SLC41A3: variants seen among roughly 807,000 people sequenced by gnomAD.
The protein encoded by SLC41A3 is solute carrier family 41 member 3, also known as SLC41A1-like 2.
SLC41A3 carries 44 observed loss-of-function variants against 45.4 expected under a neutral mutation model. The observed-to-expected ratio is 0.97, with a 90% CI of 0.76 to 1.25. The LOEUF is 1.25. SLC41A3 is among the 50% of genes most tolerant of loss of function. The pLI is 0.00. For synonymous variants in SLC41A3, 256 were observed against 252.4 expected, an observed-to-expected ratio of 1.01 and a Z score of -0.13; for missense variants, 550 against 600.6, an observed-to-expected ratio of 0.92 and a Z score of 0.88.
At chr3:126,077,807 C>G (rs1040707855) in intron 1 of SLC41A3, among the ~76,000 whole-genome samples, 3 of 152,186 alleles carry the variant, frequency 2.0e-5, no homozygotes, top group African/African-American at 7.2e-5. Flanking sequence ...TTGCCTCCTC[C>G]GTGCTTCCTT....
At chr3:126,070,137 G>A (rs1384017341) in intron 1 of SLC41A3, 3 of 152,166 alleles carry the variant, frequency 2.0e-5, no homozygotes, top group African/African-American at 7.2e-5. Context: ...TAAACTCCGA[G>A]AGAGCACACC....
intron 2 of SLC41A3, among the ~76,000 whole-genome samples, chr3:126,064,216 G>A (rs181480044): frequency 2.6e-4 from 40 of 152,172 alleles, no homozygotes; most frequent in Non-Finnish European, 4.4e-4. Flanking sequence ...TGAGCGGCGC[G>A]TTCCCCTCCT....
At chr3:126,075,600 T>G (rs1210211715) in intron 1 of SLC41A3, among the ~76,000 whole-genome samples, 1 of 152,148 alleles carries the variant, frequency 6.6e-6, no homozygotes, top group Non-Finnish European at 1.5e-5. Flanking sequence ...TTTCAAAACT[T>G]ATTGTAAAAC....
In SLC41A3 at chr3:126,019,223, A is replaced by C. The variant is rs180702583; in HGVS notation, c.746-2348T>G. ...GTCTCTCTTCCTCTTTTTTAAAGCC[A>C]CCAGTCCCACTCCCATGGTAACTCA... On this transcript the variant is annotated intron_variant, in intron 6 of 10. Transcript: ENST00000360370. 1.9e-4 allele frequency among the ~76,000 whole-genome samples: 29 copies of C among 152,198 alleles called. 1 individual carries two copies. In the East Asian group the frequency reaches 5.6e-3, roughly 29 times the overall value.
intron 2 of SLC41A3, among the ~76,000 whole-genome samples, chr3:126,062,426 G>A (rs373218135): frequency 3.3e-5 from 5 of 152,118 alleles, no homozygotes; most frequent in African/African-American, 7.2e-5. Context: ...AGGGACCTCC[G>A]CAGCTCTGCC....
intron 2 of SLC41A3, chr3:126,056,466 A>G (rs1943670830): frequency 6.2e-7 from 1 of 1,614,090 alleles, no homozygotes; most frequent in South Asian, 1.1e-5. Context: ...GCAAGACCCC[A>G]TGTGGGGACC....
At chr3:126,032,027 G>A (rs1356852353) in intron 4 of SLC41A3, among the ~76,000 whole-genome samples, 1 of 152,248 alleles carries the variant, frequency 6.6e-6, no homozygotes, top group East Asian at 1.9e-4. Flanking sequence ...GTGTTAGGTA[G>A]GAACTTACAC....
intron 1 of SLC41A3, among the ~76,000 whole-genome samples, chr3:126,096,318 G>A (rs867101381): frequency 5.7e-4 from 87 of 152,170 alleles, no homozygotes; most frequent in African/African-American, 1.9e-3. Flanking sequence ...GTAGCTCACC[G>A]TGACAAAGGT....
intron 9 of SLC41A3, among the ~76,000 whole-genome samples, chr3:126,010,719 T>A (rs1476969848): frequency 6.6e-6 from 1 of 152,188 alleles, no homozygotes. Context: ...GCCCCCACCT[T>A]GTCAGTGAAG....
At chr3:126,021,100 T>C (rs1361087275) in intron 6 of SLC41A3, among the ~76,000 whole-genome samples, 3 of 152,186 alleles carry the variant, frequency 2.0e-5, no homozygotes, top group Non-Finnish European at 4.4e-5. Flanking sequence ...TTCACCGTGT[T>C]AGCCAGGATG....
At chr3:126,056,542 G>C in intron 2 of SLC41A3, 1 of 1,613,770 alleles carries the variant, frequency 6.2e-7, no homozygotes, top group East Asian at 2.2e-5. Flanking sequence ...ATTCAGCTGG[G>C]TGACCACCAT....
intron 1 of SLC41A3, among the ~76,000 whole-genome samples, chr3:126,081,902 T>C (rs1385723757): frequency 1.3e-5 from 2 of 152,240 alleles, no homozygotes; most frequent in Admixed American, 6.5e-5. Context: ...CGGCAGGTGC[T>C]GGCGCAGCCC....
In SLC41A3 at chr3:126,101,177, C is replaced by T. The variant is rs149507044; in HGVS notation, c.-79+252G>A. Among the ~76,000 whole-genome samples, 274 of 152,290 alleles carry T rather than the reference C, an allele frequency of 1.8e-3. 1 individual carries two copies. Among genetic ancestry groups the T allele is most frequent in the African/African-American group, 6.4e-3 (267 of 41,558 alleles). ...TCACTGGGTCTGCTTCCAGCCAGCC[C>T]GGGGAGGGAAAGGAGGGCAACAGCA... On this transcript the variant is annotated intron_variant, in intron 1 of 9. Transcript: ENST00000508835.
chr3:126,060,995 C>T (rs1944035624), intron 2 of SLC41A3, among the ~76,000 whole-genome samples: 1 of 152,180 alleles, frequency 6.6e-6, no homozygotes, highest in South Asian at 2.1e-4. Context: ...CTGATCTCTG[C>T]CCACCACCTC....
intron 2 of SLC41A3, among the ~76,000 whole-genome samples, chr3:126,054,517 A>C (rs992017545): frequency 5.9e-5 from 9 of 152,100 alleles, no homozygotes; most frequent in Non-Finnish European, 1.0e-4. Context: ...ACTCCTGCCC[A>C]GTATCACTGT....
intron 1 of SLC41A3, among the ~76,000 whole-genome samples, chr3:126,091,356 A>G (rs1249880969): frequency 6.6e-6 from 1 of 152,130 alleles, no homozygotes; most frequent in African/African-American, 2.4e-5. Flanking sequence ...ATTTTAGGGA[A>G]ACAAAAGACA....
chr3:126,089,923 T>G (rs529210757), intron 1 of SLC41A3, among the ~76,000 whole-genome samples: 2 of 152,180 alleles, frequency 1.3e-5, no homozygotes, highest in African/African-American at 4.8e-5. Flanking sequence ...CCACAGTGCC[T>G]GATAGACAGC....
At chr3:126,033,776 A>G in intron 3 of SLC41A3, 98 bp from the exon 4 acceptor site, 1 of 1,264,980 alleles carries the variant, frequency 7.9e-7, no homozygotes, top group Non-Finnish European at 1.1e-6. Flanking sequence ...GAAATCAACA[A>G]ATACCATTTC....
chr3:126,041,893 C>G (rs564145269), intron 3 of SLC41A3, among the ~76,000 whole-genome samples: 1 of 152,266 alleles, frequency 6.6e-6, no homozygotes, highest in South Asian at 2.1e-4. Flanking sequence ...AGAGAAAATC[C>G]AACCAAGAAA....
Sources: gnomAD v4.1 joint callset for allele counts (sites outside exome capture counted in the v4.1 genomes callset) on GRCh38, gnomAD v4.1.1 for gene constraint, MANE v1.5 for transcripts, NCBI Gene and HGNC (gene_info 2026-07-23, HGNC 2026-07-21) for gene names.